Variants in MYO5B observed in about 807,000 individuals in gnomAD.
The protein encoded by MYO5B is myosin VB.
Under a neutral mutation model 229.3 loss-of-function variants are expected in MYO5B, and 143 were observed. The ratio of observed to expected loss-of-function variants is 0.62; its 90% CI spans 0.54 to 0.72. The LOEUF (loss-of-function observed/expected upper bound fraction) is 0.72. Among genes scored for constraint, MYO5B ranks in the 30% least tolerant of loss-of-function variants. The probability of loss-of-function intolerance (pLI) is 0.00; values close to 1 mark genes in which losing one functional copy is unlikely to be tolerated. For synonymous variants in MYO5B, 918 were observed against 885.2 expected (o/e 1.04, Z -0.66); for missense variants, 2,321 against 2,331.0 (o/e 1.00, Z 0.09).
At chr18:50,060,612 A>G (rs1481819457) in intron 1 of MYO5B, among the ~76,000 whole-genome samples, 2 of 152,234 alleles carry the variant, frequency 1.3e-5, no homozygotes, top group Non-Finnish European at 2.9e-5. Context: ...AGAGCCCCAC[A>G]TATTTCCTAG....
chr18:50,136,323 A>T (rs1318297025), intron 1 of MYO5B, among the ~76,000 whole-genome samples: 1 of 152,022 alleles, frequency 6.6e-6, no homozygotes, highest in African/African-American at 2.4e-5. Flanking sequence ...TTAGTCTCTG[A>T]AAGGACATCA....
intron 1 of MYO5B, among the ~76,000 whole-genome samples, chr18:50,160,083 C>T (rs1420986234): frequency 6.6e-6 from 1 of 152,248 alleles, no homozygotes; most frequent in South Asian, 2.1e-4. Flanking sequence ...CATGCTAACA[C>T]GCACAACGTA....
chr18:50,040,300 T>C lies in MYO5B; in HGVS notation c.153A>G (p.Pro51=). ...GCAGCTGGTTGCGTTGTACATCAATTGGGTATTCCAGAATCTAAAGACATG... is the reference window on the plus strand; with the variant it reads ...GCAGCTGGTTGCGTTGTACATCAATCGGGTATTCCAGAATCTAAAGACATG... The part of the protein sequence containing the change: ...RLEDETILEY[P]IDVQRNQLPF... Residue 51 remains proline (P), a synonymous_variant, in exon 3 of 40, where the codon CCA becomes CCG. Transcript: ENST00000285039. The C allele has an allele frequency of 6.2e-7, 1 of 1,614,140 alleles. No homozygotes were observed. Among genetic ancestry groups the C allele is most frequent in the Non-Finnish European group, 8.5e-7 (1 of 1,180,000 alleles).
chr18:49,929,389 ATGTTTGGGAACCGTTT>A, intron 17 of MYO5B, 107 bp downstream of exon 17: 2 of 762,782 alleles, frequency 2.6e-6, no homozygotes. Flanking sequence ...TTGGGCCTCA[ATGTTTGGGAACCGTTT>A]TGAAGGATCT....
rs867592178 is a variant in MYO5B at position 49,974,802 on chromosome 18, C to G, written c.1057-187G>C. On this transcript the variant is annotated intron_variant, in intron 9 of 39. Transcript: ENST00000285039. ...TCTCACACACACACACACACAGACA[C>G]ACACACACACACACACACACACACA... Among the ~76,000 whole-genome samples, 3,588 of 148,648 alleles carry G rather than the reference C, an allele frequency of 0.024. 156 individuals carry two copies. The highest frequency in any genetic ancestry group is 0.086 in the African/African-American group (3,415 of 39,498).
At chr18:50,018,062 C>G (rs1321160845) in intron 4 of MYO5B, among the ~76,000 whole-genome samples, 1 of 152,056 alleles carries the variant, frequency 6.6e-6, no homozygotes, top group Non-Finnish European at 1.5e-5. Context: ...GTCACTCAGC[C>G]CTTTCAAAAG....
chr18:49,929,514 G>C lies in MYO5B; in HGVS notation c.2088C>G (p.Ser696=), dbSNP rs1247168847. The change falls in exon 17 of 40, where the codon TCC becomes TCG. Residue 696 remains serine, a splice_region_variant and synonymous_variant. Transcript: ENST00000285039. Reference sequence around the variant, plus strand: ...CAGCTGGCGGGCACGTTAGTTACCTGGATGGGTAGCCAGCTGCACTGATTC... The same window carrying C: ...CAGCTGGCGGGCACGTTAGTTACCTCGATGGGTAGCCAGCTGCACTGATTC... ...TIRISAAGYP[S]RWAYHDFFNR... 1.2e-6 allele frequency: 2 copies of C among 1,606,030 alleles called. No individual in the cohort carries two copies. The highest frequency in any genetic ancestry group is 1.1e-5 in the South Asian group (1 of 89,636).
chr18:49,974,788 C>CACACACAAAG (rs2025729718), intron 9 of MYO5B, among the ~76,000 whole-genome samples, 173 bp from the exon 10 acceptor site: 2 of 114,460 alleles, frequency 1.7e-5, no homozygotes, highest in African/African-American at 6.8e-5. Context: ...CTCACACACA[C>CACACACAAAG]ACACACACAG....
At position 50,172,288 on chromosome 18, in the gene MYO5B, CAA is replaced by C. The variant is rs55973734; in HGVS notation, c.27+22477_27+22478del. 0.011 allele frequency among the ~76,000 whole-genome samples: 993 copies of C among 90,454 alleles called. 19 individuals carry two copies. The East Asian group carries it at 0.11, about 10-fold the overall frequency. The allele number at this position is 90,454 out of a possible 152,430, so 59.3% of individuals were successfully genotyped here. On this transcript the variant is annotated intron_variant, in intron 1 of 39. Coordinates refer to ENST00000285039, the MANE Select transcript of MYO5B (RefSeq NM_001080467.3). ...AGAGTGAGACCCTGACAAAAAAAGA[CAA>C]AAAAAAAAAAAAAAAAAGGCCGAAC...
intron 33 of MYO5B, among the ~76,000 whole-genome samples, chr18:49,846,892 A>G (rs2024134581): frequency 6.6e-6 from 1 of 151,718 alleles, no homozygotes; most frequent in Non-Finnish European, 1.5e-5. Flanking sequence ...TCCCACTTCC[A>G]TCGTATGGGC....
intron 4 of MYO5B, among the ~76,000 whole-genome samples, chr18:50,031,322 A>C (rs1203096626): frequency 2.0e-5 from 3 of 152,132 alleles, no homozygotes; most frequent in Admixed American, 6.5e-5. Flanking sequence ...TGTGCAGCAA[A>C]GAGGCTTGGG....
intron 1 of MYO5B, among the ~76,000 whole-genome samples, chr18:50,095,165 C>A (rs1301103008): frequency 2.0e-5 from 3 of 152,196 alleles, no homozygotes; most frequent in Admixed American, 1.3e-4. Flanking sequence ...ACCTTTCTCA[C>A]AGAGTATCCC....
chr18:49,913,201 A>G (rs2024976632), intron 17 of MYO5B, among the ~76,000 whole-genome samples: 1 of 152,214 alleles, frequency 6.6e-6, no homozygotes, highest in African/African-American at 2.4e-5. Flanking sequence ...ATCTTTAAAG[A>G]AAGCCTTAAG....
chr18:49,867,863 T>C (rs2024414296), intron 27 of MYO5B, among the ~76,000 whole-genome samples: 1 of 152,214 alleles, frequency 6.6e-6, no homozygotes, highest in Admixed American at 6.5e-5. Flanking sequence ...TAAACAGTAA[T>C]GGATACAGCT....
At chr18:49,965,092 A>C (rs1443249024) in intron 10 of MYO5B, among the ~76,000 whole-genome samples, 1 of 152,224 alleles carries the variant, frequency 6.6e-6, no homozygotes, top group African/African-American at 2.4e-5. Context: ...GAAGGTGAGC[A>C]AGGTAGTTCT....
At chr18:50,103,097 A>G (rs1056910841) in intron 1 of MYO5B, among the ~76,000 whole-genome samples, 2 of 152,208 alleles carry the variant, frequency 1.3e-5, no homozygotes, top group African/African-American at 4.8e-5. Flanking sequence ...TCATGGCTAC[A>G]GGCTCACCTT....
intron 16 of MYO5B, among the ~76,000 whole-genome samples, chr18:49,931,716 C>G (rs1359501530): frequency 8.5e-5 from 13 of 152,216 alleles, no homozygotes; most frequent in Admixed American, 8.5e-4. Flanking sequence ...AGCTGCTCGG[C>G]TGCCCATGAC....
intron 4 of MYO5B, among the ~76,000 whole-genome samples, chr18:50,023,493 G>C (rs2026299050): frequency 6.6e-6 from 1 of 152,202 alleles, no homozygotes; most frequent in South Asian, 2.1e-4. Flanking sequence ...GATACCAGGA[G>C]AATGGGAGAG....
At chr18:50,006,366 G>T (rs142436361) in intron 4 of MYO5B, among the ~76,000 whole-genome samples, 1 of 152,218 alleles carries the variant, frequency 6.6e-6, no homozygotes, top group Non-Finnish European at 1.5e-5. Flanking sequence ...TGAGCCCAGT[G>T]AAATTCCTTT....
Sources: gnomAD v4.1 joint callset for allele counts (sites outside exome capture counted in the v4.1 genomes callset) on GRCh38, gnomAD v4.1.1 for gene constraint, MANE v1.5 for transcripts, NCBI Gene and HGNC (gene_info 2026-07-23, HGNC 2026-07-21) for gene names.